Variants in KDM6A observed in about 807,000 individuals in gnomAD.
KDM6A encodes lysine-specific demethylase 6A.
KDM6A carries 11 observed loss-of-function variants against 117.6 expected under a neutral mutation model. That is an observed-to-expected ratio of 0.09 (90% CI 0.06 to 0.15). KDM6A has a LOEUF of 0.15. Among genes scored for constraint, KDM6A ranks in the 10% least tolerant of loss-of-function variants. The probability of loss-of-function intolerance (pLI) is 1.00; values close to 1 mark genes in which losing one functional copy is unlikely to be tolerated. For synonymous variants in KDM6A, 384 were observed against 396.1 expected (o/e 0.97, Z 0.36); for missense variants, 799 against 1,077.3 (o/e 0.74, Z 3.62).
chrX:45,065,211 G>C (rs1203180696), intron 17 of KDM6A, among the ~76,000 whole-genome samples: 1 of 111,616 alleles, frequency 9.0e-6, no homozygotes, highest in East Asian at 2.8e-4. Flanking sequence ...GGTCTAGGGA[G>C]CAGCACGGAG....
At chrX:44,942,670 A>G (rs1217952059) in intron 2 of KDM6A, among the ~76,000 whole-genome samples, 2 of 109,290 alleles carry the variant, frequency 1.8e-5, no homozygotes, top group African/African-American at 6.6e-5. Flanking sequence ...ATATCTCTAT[A>G]TAAATATATA....
chrX:44,891,570 G>T (rs766330991), intron 2 of KDM6A, among the ~76,000 whole-genome samples: 1 of 111,660 alleles, frequency 9.0e-6, no homozygotes, highest in Non-Finnish European at 1.9e-5. Context: ...CTTGTTTTCC[G>T]GTGCTGTAAA....
chrX:44,986,401 T>C (rs1251720276), intron 4 of KDM6A, among the ~76,000 whole-genome samples: 3 of 111,694 alleles, frequency 2.7e-5, no homozygotes, highest in Non-Finnish European at 5.6e-5. Flanking sequence ...TTTTGGTGTC[T>C]CTATTTCCTT....
Position 44,977,722 on chromosome X carries a change from T to A in KDM6A, c.384+3007T>A, listed in dbSNP as rs150908239. Among the ~76,000 whole-genome samples, 950 of 112,342 alleles carry A rather than the reference T, an allele frequency of 8.5e-3. 11 individuals are homozygous for A. The highest frequency in any genetic ancestry group is 0.029 in the African/African-American group (912 of 30,980). On this transcript the variant is annotated intron_variant, in intron 4 of 29. Coordinates refer to ENST00000611820, the MANE Select transcript of KDM6A (RefSeq NM_001291415.2). ...TTCTTCTTGGTCTTAATCAAGAACC[T>A]TTTTGTCAGCAGACTTGCCAGTTTG...
chrX:44,903,370 T>C (rs1332137215), intron 2 of KDM6A, among the ~76,000 whole-genome samples: 2 of 112,238 alleles, frequency 1.8e-5, no homozygotes, highest in African/African-American at 6.5e-5. Flanking sequence ...CTTTCGTGTT[T>C]TCAAGATTCT....
chrX:45,048,650 G>T (rs758818136), intron 8 of KDM6A, among the ~76,000 whole-genome samples: 1 of 108,853 alleles, frequency 9.2e-6, no homozygotes, highest in Admixed American at 1.0e-4. Flanking sequence ...CAAAGTACCA[G>T]TTGAAGCCTG....
chrX:45,098,468 GC>G (rs1348305466), intron 27 of KDM6A, among the ~76,000 whole-genome samples: 24 of 112,819 alleles, frequency 2.1e-4, no homozygotes, highest in African/African-American at 7.7e-4. Context: ...TTTGGCTTGG[GC>G]CAGACAGTGG....
At chrX:44,891,722 G>A (rs1048982001) in intron 2 of KDM6A, among the ~76,000 whole-genome samples, 4 of 111,867 alleles carry the variant, frequency 3.6e-5, no homozygotes, top group Admixed American at 1.9e-4. Context: ...AACCTGACGC[G>A]TCCACCCTAC....
At chrX:45,023,124 A>AT (rs1314748709) in intron 6 of KDM6A, among the ~76,000 whole-genome samples, 5 of 111,832 alleles carry the variant, frequency 4.5e-5, no homozygotes, top group Non-Finnish European at 9.4e-5. Flanking sequence ...CTCTTAGACT[A>AT]GTTATGCCCA....
chrX:45,022,121 C>G (rs189523837), intron 6 of KDM6A, among the ~76,000 whole-genome samples: 42 of 112,161 alleles, frequency 3.7e-4, no homozygotes, highest in Non-Finnish European at 6.4e-4. Flanking sequence ...GAAAAGCAAT[C>G]AGATGTGTCC....
chrX:44,880,970 G>T (rs1394321827), intron 2 of KDM6A, among the ~76,000 whole-genome samples: 1 of 112,175 alleles, frequency 8.9e-6, no homozygotes, highest in African/African-American at 3.2e-5. Flanking sequence ...CCTTCAGTGA[G>T]GGTAGGAGTG....
At chrX:45,058,970 C>T in intron 10 of KDM6A, 36 bp from the exon 11 acceptor site, 1 of 1,086,369 alleles carries the variant, frequency 9.2e-7, no homozygotes. Context: ...TAATGGAATT[C>T]TCTTGATTTT....
At chrX:44,908,979 T>C (rs1435512334) in intron 2 of KDM6A, among the ~76,000 whole-genome samples, 2 of 112,178 alleles carry the variant, frequency 1.8e-5, no homozygotes, top group African/African-American at 6.5e-5. Flanking sequence ...TGAGTTCACA[T>C]ATCACAAGTG....
At chrX:44,979,646 T>C (rs1189899424) in intron 4 of KDM6A, among the ~76,000 whole-genome samples, 2 of 111,196 alleles carry the variant, frequency 1.8e-5, no homozygotes, top group Non-Finnish European at 3.8e-5. Context: ...CTAGGAAATC[T>C]TTGTGTATCC....
At chrX:44,901,280 C>A (rs2034326425) in intron 2 of KDM6A, among the ~76,000 whole-genome samples, 1 of 110,434 alleles carries the variant, frequency 9.1e-6, no homozygotes, top group African/African-American at 3.3e-5. Context: ...GCTCGGGAGG[C>A]TGAGGCAGGA....
At chrX:44,886,123 T>C in intron 2 of KDM6A, among the ~76,000 whole-genome samples, 1 of 109,277 alleles carries the variant, frequency 9.2e-6, no homozygotes, top group Non-Finnish European at 1.9e-5. Flanking sequence ...AGTGGTGCAA[T>C]CTTGGCTCAC....
At chrX:45,106,050 C>T (rs1197221830) in intron 27 of KDM6A, among the ~76,000 whole-genome samples, 1 of 110,678 alleles carries the variant, frequency 9.0e-6, no homozygotes, top group Non-Finnish European at 1.9e-5. Context: ...ACTCATCTTC[C>T]ACGAAACTGA....
At position 44,987,362 on chromosome X, in the gene KDM6A, G is replaced by A. The variant is rs372471511; in HGVS notation, c.384+12647G>A. Among the ~76,000 whole-genome samples, 85 of 111,306 alleles carry A rather than the reference G, an allele frequency of 7.6e-4. No homozygotes were observed. The Middle Eastern group carries it at 0.019, about 25-fold the overall frequency. On this transcript the variant is annotated intron_variant, in intron 4 of 29. Coordinates refer to ENST00000611820, the MANE Select transcript of KDM6A (RefSeq NM_001291415.2). The stretch of plus-strand genomic sequence containing the variant: ...CTGATGGGTCTTGACTCTTTATCCA[G>A]TTTGCCAGTCTGTGTCTTTTAATTG...
chrX:45,100,334 C>T (rs757144935), intron 27 of KDM6A, among the ~76,000 whole-genome samples: 68 of 111,281 alleles, frequency 6.1e-4, no homozygotes, highest in Non-Finnish European at 6.8e-4. Flanking sequence ...ATAAAGCCGA[C>T]CCCCAGCAAA....
Sources: allele counts gnomAD v4.1 joint callset (sites outside exome capture counted in the v4.1 genomes callset), GRCh38; gene constraint gnomAD v4.1.1; transcripts MANE v1.5; gene names NCBI Gene and HGNC (gene_info 2026-07-23, HGNC 2026-07-21).